The following ZAN variants were observed in gnomAD, a reference collection of about 807,000 sequenced individuals.
ZAN encodes the protein zonadhesin (gene/pseudogene).
A neutral mutation model predicts 286.2 loss-of-function variants in ZAN; 260 were observed. The ratio of observed to expected loss-of-function variants is 0.91; its 90% confidence interval spans 0.82 to 1.01. The LOEUF (loss-of-function observed/expected upper bound fraction) is 1.01. Ranked by LOEUF, ZAN falls within the 50% of genes least tolerant of loss-of-function variation. The probability of loss-of-function intolerance (pLI) is 0.00; values close to 1 mark genes in which losing one functional copy is unlikely to be tolerated. For missense variants in ZAN, 3,410 were observed against 3,639.2 expected (o/e 0.94, Z 1.62); for synonymous variants, 1,368 against 1,417.5 (o/e 0.97, Z 0.79).
At chr7:100,768,933 T>C (rs2116074894) in intron 27 of ZAN, among the ~76,000 whole-genome samples, 1 of 152,290 alleles carries the variant, frequency 6.6e-6, no homozygotes, top group Non-Finnish European at 1.5e-5. Context: ...TGCTGATTTC[T>C]CCCATGCTTA....
At chr7:100,764,263 G>A (rs1809797960) in intron 22 of ZAN, 67 bp downstream of exon 22, 2 of 1,433,120 alleles carry the variant, frequency 1.4e-6, no homozygotes, top group Non-Finnish European at 9.1e-7. Flanking sequence ...CCAGCACTTT[G>A]GGAGTCCGAG....
At chr7:100,783,532 G>A (rs1266487286) in intron 35 of ZAN, among the ~76,000 whole-genome samples, 1 of 150,000 alleles carries the variant, frequency 6.7e-6, no homozygotes, top group African/African-American at 2.5e-5. Flanking sequence ...TCAGGAGTTT[G>A]AGACCAGCCT....
At chr7:100,746,432 G>A (rs976820353) in intron 7 of ZAN, 106 bp from the exon 8 acceptor site, 114 of 1,412,720 alleles carry the variant, frequency 8.1e-5, no homozygotes, top group Non-Finnish European at 1.1e-4. Flanking sequence ...CTAGGCTGCT[G>A]TTGGGGATCC....
chr7:100,749,200 G>A (rs1463864963), intron 11 of ZAN, among the ~76,000 whole-genome samples: 1 of 151,986 alleles, frequency 6.6e-6, no homozygotes, highest in African/African-American at 2.4e-5. Context: ...AAATTAGCCG[G>A]GAGTGGTGGC....
chr7:100,751,003 G>A (rs1348252651), intron 12 of ZAN, 107 bp downstream of exon 12: 15 of 1,469,206 alleles, frequency 1.0e-5, no homozygotes, highest in Middle Eastern at 2.4e-4. Context: ...AAAGAGAGCC[G>A]AGAAAAGGGG....
chr7:100,751,034 G>A lies in ZAN; in HGVS notation c.1521+138G>A, dbSNP rs777404643. The A allele has an allele frequency of 7.0e-5, 99 of 1,412,066 alleles. 1 individual carries two copies. The highest frequency in any genetic ancestry group is 6.2e-5 in the Non-Finnish European group (66 of 1,063,212). The allele number at this position is 1,412,066 out of a possible 1,614,324, so 87.5% of individuals were successfully genotyped here. The stretch of plus-strand genomic sequence containing the variant: ...AGGGGAACTTCGTGTTACAGAAAGT[G>A]AGAAAGGGGCCGGGATGGGGCTGGA... On this transcript the variant is annotated intron_variant, in intron 12 of 47. Coordinates refer to ENST00000613979, the MANE Select transcript of ZAN (RefSeq NM_003386.3).
At chr7:100,755,470 C>G (rs1809082032) in intron 15 of ZAN, 60 bp downstream of exon 15, 1 of 1,570,676 alleles carries the variant, frequency 6.4e-7, no homozygotes, top group Non-Finnish European at 8.6e-7. Context: ...CACCTGGGTT[C>G]CAGCTCCATC....
Position 100,738,685 on chromosome 7 carries a change from G to A in ZAN, c.766+72G>A, listed in dbSNP as rs556576698. The stretch of plus-strand genomic sequence containing the variant: ...CACCCTACGATAATTGCCCTGGGAC[G>A]GTCTGTCATGAACACCTACAGCTTC... On this transcript the variant is annotated intron_variant, in intron 7 of 47. Coordinates refer to ENST00000613979, the MANE Select transcript of ZAN (RefSeq NM_003386.3). 3.0e-5 allele frequency: 42 copies of A among 1,401,844 alleles called. 2 individuals carry two copies. Among genetic ancestry groups the A allele is most frequent in the Non-Finnish European group, 3.8e-5 (39 of 1,024,378 alleles). The allele number at this position is 1,401,844 out of a possible 1,614,324, so 86.8% of individuals were successfully genotyped here.
chr7:100,765,416 T>C lies in ZAN; in HGVS notation c.4332T>C (p.His1444=). ...CGAAGCCATGCCCTGACACCTGCCATTCAGGATTCTCCGGCATGTTCTGCT... is the reference window on the plus strand; with the variant it reads ...CGAAGCCATGCCCTGACACCTGCCACTCAGGATTCTCCGGCATGTTCTGCT... The part of the protein sequence containing the change: ...LCAKPCPDTC[H]SGFSGMFCSD... Residue 1444 remains histidine (H), a synonymous_variant, in exon 23 of 48, where the codon CAT becomes CAC. Transcript: ENST00000613979. 1 of 1,613,956 alleles carries C rather than the reference T, an allele frequency of 6.2e-7. No homozygotes were observed. Among genetic ancestry groups the C allele is most frequent in the Non-Finnish European group, 8.5e-7 (1 of 1,179,864 alleles).
chr7:100,755,353 C>CT lies in ZAN; in HGVS notation c.3252_3253insT (p.Asn1085Ter). On this transcript the variant is annotated frameshift_variant, in exon 15 of 48. Transcript: ENST00000613979. LOFTEE classifies it high-confidence loss of function. ...GCAACCCTGGCTTTTTGTTTAGTGA[C>CT]AACCACTGCATCCAGGCCTCTTCCT... 1 of 1,613,842 alleles carries CT rather than the reference C, an allele frequency of 6.2e-7. No individual in the cohort carries two copies. Among genetic ancestry groups the CT allele is most frequent in the Non-Finnish European group, 8.5e-7 (1 of 1,179,864 alleles).
intron 7 of ZAN, among the ~76,000 whole-genome samples, chr7:100,738,921 C>T (rs190003257): frequency 0.074 from 146 of 1,962 alleles, 27 homozygotes; most frequent in South Asian, 0.44. Flanking sequence ...CTCCCTCTCC[C>T]TCTCCCTCTC....
intron 31 of ZAN, among the ~76,000 whole-genome samples, chr7:100,775,093 T>G (rs1810660289): frequency 6.6e-6 from 1 of 151,884 alleles, no homozygotes; most frequent in Non-Finnish European, 1.5e-5. Flanking sequence ...ACACCCTAAT[T>G]TTTTTGTATT....
chr7:100,751,834 C>T lies in ZAN; in HGVS notation c.1729C>T (p.Pro577Ser). ...GAAACCTACAGTTTCCATAGAAAAA[C>T]CCAGTGTCACCACAGAAAAGCCCAC... ...TKKPTVSIEK[P>S]SVTTEKPTVP... is the part of the protein sequence containing the mutation. Residue 577 changes from proline to serine, a missense_variant, in exon 14 of 48, where the codon CCC becomes TCC. By Grantham distance (74) the Pro-to-Ser change is moderately conservative. This residue lies in a region of ZAN where 872 missense variants were observed against 938.9 expected (regional missense o/e 0.93). Transcript: ENST00000613979. The T allele has an allele frequency of 1.2e-6, 2 of 1,613,746 alleles. No individual in the cohort carries two copies. Among genetic ancestry groups the T allele is most frequent in the Non-Finnish European group, 1.7e-6 (2 of 1,179,844 alleles).
rs980731176 is a variant in ZAN at position 100,763,240 on chromosome 7, G to A, written c.3987-566G>A. 3.6e-4 allele frequency among the ~76,000 whole-genome samples: 55 copies of A among 152,148 alleles called. No individual in the cohort carries two copies. Among genetic ancestry groups the A allele is most frequent in the African/African-American group, 1.3e-3 (53 of 41,530 alleles). On this transcript the variant is annotated intron_variant, in intron 20 of 47. Coordinates refer to ENST00000613979, the MANE Select transcript of ZAN (RefSeq NM_003386.3). This position sits in a 1 kb window ranked among gnomAD's most constrained non-coding sequence, Gnocchi z 4.6. ...CTGGCCTCCCAAAATGCAAAATGCC[G>A]GGATTACAGGCATCACCACCACACC...
rs1367736418 is a variant in ZAN at position 100,751,889 on chromosome 7, C to T, written c.1784C>T (p.Thr595Ile). ...TVPKEKPTIP[T>I]EKPTISTEKP... The stretch of plus-strand genomic sequence containing the variant: ...CCCAAAGAAAAGCCCACCATTCCCA[C>T]AGAAAAACCCACCATCTCCACAGAA... Residue 595 changes from threonine to isoleucine, a missense_variant, in exon 14 of 48, where the codon ACA (threonine) becomes ATA (isoleucine). Thr to Ile is a moderately conservative substitution (Grantham distance 89). Coordinates refer to ENST00000613979, the MANE Select transcript of ZAN (RefSeq NM_003386.3). 2 of 1,613,312 alleles carry T rather than the reference C, an allele frequency of 1.2e-6. No homozygotes were observed. Among genetic ancestry groups the T allele is most frequent in the African/African-American group, 2.7e-5 (2 of 74,826 alleles).
intron 28 of ZAN, among the ~76,000 whole-genome samples, chr7:100,770,809 C>T (rs1217698312): frequency 1.3e-5 from 2 of 151,448 alleles, no homozygotes; most frequent in Admixed American, 1.3e-4. Flanking sequence ...CATGCACCAC[C>T]ATGCCCAACT....
In ZAN at chr7:100,734,123, A is replaced by G. The variant is rs1464077027; in HGVS notation, c.-46A>G. 6 of 1,282,898 alleles carry G rather than the reference A, an allele frequency of 4.7e-6. 1 individual carries two copies. In the East Asian group the frequency reaches 7.8e-5, roughly 17 times the overall value. 79.5% of individuals were successfully genotyped at this position (1,282,898 alleles called of 1,614,324 possible). A position where few individuals can be genotyped will look rare whatever the true frequency, so the allele number is the denominator to read the frequency against. On this transcript the variant is annotated 5_prime_UTR_variant, in exon 2 of 48. Coordinates refer to ENST00000613979, the MANE Select transcript of ZAN (RefSeq NM_003386.3). ...GGAATAAAAGGAGTCCAGGCTCCCA[A>G]CTGTGCCCTTCCCCTCTCCCCTGGG...
intron 15 of ZAN, among the ~76,000 whole-genome samples, chr7:100,757,412 A>G (rs1439072107): frequency 6.6e-6 from 1 of 152,150 alleles, no homozygotes; most frequent in Non-Finnish European, 1.5e-5. Context: ...TTCATTCAGC[A>G]AGTATTTACT....
rs1436216674 is a variant in ZAN, at chr7:100,763,968, C to T, written c.4097+52C>T. 2.5e-6 allele frequency: 4 copies of T among 1,613,576 alleles called. No homozygotes were observed. The East Asian group carries it at 6.7e-5, about 27-fold the overall frequency. Reference sequence around the variant, plus strand: ...ACAGGGGCGATGCTTGGCACCTGGGCTCCTCCAAGGCTCTACCCCCTTCCA... The same window carrying T: ...ACAGGGGCGATGCTTGGCACCTGGGTTCCTCCAAGGCTCTACCCCCTTCCA... On this transcript the variant is annotated intron_variant, in intron 21 of 47. Transcript: ENST00000613979. This position sits in a 1 kb window ranked among gnomAD's most constrained non-coding sequence, Gnocchi z 4.6.
Sources: allele counts gnomAD v4.1 joint callset (sites outside exome capture counted in the v4.1 genomes callset), GRCh38; gene constraint gnomAD v4.1.1; regional missense constraint gnomAD v4.1.1; non-coding constraint Gnocchi (gnomAD v3.1); transcripts MANE v1.5; gene names NCBI Gene and HGNC (gene_info 2026-07-23, HGNC 2026-07-21).